ATP7B: variants seen among roughly 807,000 people sequenced by gnomAD.
ATP7B encodes copper-transporting ATPase 2.
In ATP7B, 113 loss-of-function variants were observed where a neutral mutation model predicts 118.9. That is an observed-to-expected ratio of 0.95 (90% confidence interval 0.82 to 1.11). The LOEUF (loss-of-function observed/expected upper bound fraction) is 1.11. Among genes scored for constraint, ATP7B ranks in the 50% most tolerant of loss-of-function variants. The pLI is 0.00. For missense variants in ATP7B, 1,867 were observed against 1,871.4 expected (o/e 1.00, Z 0.04); for synonymous variants, 777 against 727.4 (o/e 1.07, Z -1.10).
At chr13:51,975,309 A>G in intron 1 of ATP7B, 141 bp from the exon 2 acceptor site, 1 of 1,157,452 alleles carries the variant, frequency 8.6e-7, no homozygotes, top group South Asian at 1.2e-5. Context: ...TAACATACAC[A>G]GAAAGCAAGC....
intron 17 of ATP7B, among the ~76,000 whole-genome samples, chr13:51,938,527 A>C (rs1209928481): frequency 1.3e-5 from 2 of 152,246 alleles, no homozygotes; most frequent in African/African-American, 4.8e-5. Flanking sequence ...TCAGAAGCCT[A>C]GAGCTCTGCA....
chr13:51,997,208 GA>G (rs1359486490), intron 1 of ATP7B, among the ~76,000 whole-genome samples: 1 of 152,210 alleles, frequency 6.6e-6, no homozygotes, highest in African/African-American at 2.4e-5. Context: ...ATCAGAAGTA[GA>G]TTTTCCAGGT....
At chr13:51,942,766 G>T (rs1281572727) in intron 14 of ATP7B, among the ~76,000 whole-genome samples, 2 of 152,148 alleles carry the variant, frequency 1.3e-5, no homozygotes, top group African/African-American at 2.4e-5. Flanking sequence ...CTTTGGTAAA[G>T]ATATTATAGC....
chr13:51,997,771 A>G (rs568897014), intron 1 of ATP7B, among the ~76,000 whole-genome samples: 1 of 152,376 alleles, frequency 6.6e-6, no homozygotes, highest in East Asian at 1.9e-4. Context: ...CTCCCAACTC[A>G]GTGACTGCTG....
At chr13:51,956,084 A>G (rs1958329601) in intron 9 of ATP7B, among the ~76,000 whole-genome samples, 1 of 152,242 alleles carries the variant, frequency 6.6e-6, no homozygotes, top group Non-Finnish European at 1.5e-5. Flanking sequence ...AGTGCTGGGG[A>G]GTGAGCCTGG....
At chr13:51,961,785 A>C in intron 6 of ATP7B, 52 bp downstream of exon 6, 7 of 1,552,448 alleles carry the variant, frequency 4.5e-6, no homozygotes, top group African/African-American at 1.4e-5. Context: ...GGGCCCAGGT[A>C]GAGGAAGGGA....
chr13:51,972,072 C>A (rs776349823), intron 2 of ATP7B, among the ~76,000 whole-genome samples: 1 of 152,220 alleles, frequency 6.6e-6, no homozygotes, highest in Admixed American at 6.5e-5. Context: ...CAACACACCA[C>A]CCACACAGCT....
intron 19 of ATP7B, among the ~76,000 whole-genome samples, 154 bp from the exon 20 acceptor site, chr13:51,935,849 C>A (rs186157250): frequency 2.6e-5 from 4 of 152,146 alleles, no homozygotes; most frequent in East Asian, 1.9e-4. Context: ...GCCCACAGGC[C>A]CCCCCCAAAG....
intron 1 of ATP7B, among the ~76,000 whole-genome samples, chr13:51,976,112 C>T (rs1173743015): frequency 1.3e-5 from 2 of 152,230 alleles, no homozygotes; most frequent in African/African-American, 2.4e-5. Flanking sequence ...CACAGGCTCC[C>T]AGCCTACAGC....
Position 51,972,682 on chromosome 13 carries a change from G to T in ATP7B, c.1285+1253C>A, listed in dbSNP as rs189603369. 2.4e-3 allele frequency among the ~76,000 whole-genome samples: 366 copies of T among 152,238 alleles called. 8 individuals are homozygous for T. Among genetic ancestry groups the T allele is most frequent in the Admixed American group, 0.022 (329 of 15,288 alleles). On this transcript the variant is annotated intron_variant, in intron 2 of 20. Transcript: ENST00000242839. ...ACACCAGTCTTCTAAAATATAATCT[G>T]ACTTCGTGCTTCCTCTGATTAAAAC...
At chr13:51,970,794 A>C (rs778008926) in intron 2 of ATP7B, 45 bp from the exon 3 acceptor site, 8 of 1,597,918 alleles carry the variant, frequency 5.0e-6, no homozygotes, top group Non-Finnish European at 6.9e-6. Flanking sequence ...AGAGCAAATA[A>C]TATGTTTTTC....
In ATP7B at chr13:51,952,073, G is replaced by A. The variant is rs538264855; in HGVS notation, c.2448-1674C>T. Among the ~76,000 whole-genome samples, 13 of 152,326 alleles carry A rather than the reference G, an allele frequency of 8.5e-5. No individual in the cohort carries two copies. The East Asian group carries it at 2.5e-3, about 29-fold the overall frequency. ...GTTTTTAAAGAAGGCTTTTGTGAAG[G>A]AACAGAAAAACAGAGCAGTAGAAGG... is the stretch of plus-strand genomic sequence containing the variant. On this transcript the variant is annotated intron_variant, in intron 9 of 20. Transcript: ENST00000242839.
upstream of ATP7B, chr13:52,012,065 A>G (rs970266068): frequency 2.1e-6 from 1 of 477,344 alleles, no homozygotes; most frequent in Non-Finnish European, 3.8e-6. Context: ...AATGGCCTCC[A>G]ACGGGCGGCG....
chr13:51,971,880 C>T (rs1199849711), intron 2 of ATP7B, among the ~76,000 whole-genome samples: 1 of 152,236 alleles, frequency 6.6e-6, no homozygotes, highest in Admixed American at 6.5e-5. Flanking sequence ...GTTCAGCCAT[C>T]CCTGAGCACT....
rs1300100185 is a variant in ATP7B at position 51,950,351 on chromosome 13, C to T, written c.2496G>A (p.Lys832=). 5.0e-6 allele frequency: 8 copies of T among 1,614,190 alleles called. No homozygotes were observed. Among genetic ancestry groups the T allele is most frequent in the Non-Finnish European group, 5.9e-6 (7 of 1,180,040 alleles). The change falls in exon 10 of 21, where the codon AAG becomes AAA. Residue 832 remains lysine (K), a synonymous_variant. Coordinates refer to ENST00000242839, the MANE Select transcript of ATP7B (RefSeq NM_000053.4). ...MELVQRGDIV[K]VVPGGKFPVD... ...CTGGAAACTTTCCCCCAGGGACCAC[C>T]TTGACGATATCGCCCCGCTGCACCA...
chr13:52,003,604 G>T (rs747891232), intron 1 of ATP7B, among the ~76,000 whole-genome samples: 1 of 150,778 alleles, frequency 6.6e-6, no homozygotes, highest in African/African-American at 2.4e-5. Context: ...TCAGTGCAGG[G>T]TTGCCACAAA....
At chr13:52,007,255 T>C (rs1326959697) in intron 1 of ATP7B, among the ~76,000 whole-genome samples, 1 of 152,228 alleles carries the variant, frequency 6.6e-6, no homozygotes, top group Non-Finnish European at 1.5e-5. Context: ...CCAGGTGGTA[T>C]GACCAAGTGT....
Position 51,938,624 on chromosome 13 carries a change from T to G in ATP7B, c.3699+427A>C, listed in dbSNP as rs74413082. Among the ~76,000 whole-genome samples the G allele has an allele frequency of 5.5e-3, 835 of 152,272 alleles. 8 individuals are homozygous for G. Among genetic ancestry groups the G allele is most frequent in the African/African-American group, 0.019 (798 of 41,542 alleles). On this transcript the variant is annotated intron_variant, in intron 17 of 20. Coordinates refer to ENST00000242839, the MANE Select transcript of ATP7B (RefSeq NM_000053.4). ...AGGCAGCCATCCAGTGGTGCTGTCC[T>G]CACAGACCAAACTCAGCATCAGGGG... is the stretch of plus-strand genomic sequence containing the variant.
rs531199827 is a variant in ATP7B, at chr13:51,974,738, A to G, written c.482T>C (p.Ile161Thr). 72 of 1,614,064 alleles carry G rather than the reference A, an allele frequency of 4.5e-5. No homozygotes were observed. In the Admixed American group the frequency reaches 5.0e-4, roughly 11 times the overall value. The change falls in exon 2 of 21, where the codon ATT (isoleucine) becomes ACT (threonine). Residue 161 changes from isoleucine (I) to threonine (T), a missense_variant. Ile to Thr is a moderately conservative substitution (Grantham distance 89, BLOSUM62 -1). Coordinates refer to ENST00000242839, the MANE Select transcript of ATP7B (RefSeq NM_000053.4). ...TTGCAGTTTCCGGACCTTGCCTTCA[A>G]TGGAGCTGACACAGGACTGGCAGGT... Reference protein sequence around the residue: ...GMTCQSCVSSIEGKVRKLQGV... With the variant: ...GMTCQSCVSSTEGKVRKLQGV...
Sources: allele counts gnomAD v4.1 joint callset (sites outside exome capture counted in the v4.1 genomes callset), GRCh38; gene constraint gnomAD v4.1.1; transcripts MANE v1.5; gene names NCBI Gene and HGNC (gene_info 2026-07-23, HGNC 2026-07-21).